Variants in CLEC4F observed in about 807,000 individuals in gnomAD.
CLEC4F encodes C-type (calcium dependent, carbohydrate-recognition domain) lectin, superfamily member 13.
In CLEC4F, 45 loss-of-function variants were observed where a neutral mutation model predicts 53.4. The ratio of observed to expected loss-of-function variants is 0.84; its 90% CI spans 0.66 to 1.08. The LOEUF (loss-of-function observed/expected upper bound fraction) is 1.08. Among genes scored for constraint, CLEC4F ranks in the 50% least tolerant of loss-of-function variants. The pLI is 0.00. For synonymous variants in CLEC4F, 245 were observed against 257.5 expected (o/e 0.95, Z 0.46); for missense variants, 753 against 698.2 (o/e 1.08, Z -0.88).
chr2:70,824,196 C>A (rs1259355067), upstream of CLEC4F, among the ~76,000 whole-genome samples: 2 of 152,078 alleles, frequency 1.3e-5, no homozygotes, highest in Non-Finnish European at 2.9e-5. Flanking sequence ...GATGTGAGCA[C>A]TTGTATTCAG....
chr2:70,808,864 C>T lies in CLEC4F; in HGVS notation c.*407G>A, dbSNP rs377443149. On this transcript the variant is annotated 3_prime_UTR_variant, in exon 7 of 7. Transcript: ENST00000272367. Reference sequence around the variant, plus strand: ...GAGAACAAGCAGAGCTCAGAGGCTCCGAAGGCATCGAGGAGGAGGGTCAGT... The same window carrying T: ...GAGAACAAGCAGAGCTCAGAGGCTCTGAAGGCATCGAGGAGGAGGGTCAGT... 4.3e-5 allele frequency: 25 copies of T among 576,136 alleles called. No individual in the cohort carries two copies. Among genetic ancestry groups the T allele is most frequent in the East Asian group, 1.2e-4 (4 of 34,368 alleles). The allele number at this position is 576,136 out of a possible 1,614,324, so 35.7% of individuals were successfully genotyped here.
intron 6 of CLEC4F, 121 bp from the exon 7 acceptor site, chr2:70,809,503 C>A: frequency 8.9e-7 from 1 of 1,124,062 alleles, no homozygotes; most frequent in East Asian, 2.6e-5. Context: ...ATGACCACAC[C>A]TGTGTGTCCA....
chr2:70,821,278 C>A (rs931680757), upstream of CLEC4F, among the ~76,000 whole-genome samples: 1 of 152,118 alleles, frequency 6.6e-6, no homozygotes, highest in Non-Finnish European at 1.5e-5. Flanking sequence ...TCATAATAAG[C>A]CCCTTAGGAC....
Position 70,817,054 on chromosome 2 carries a change from G to A in CLEC4F, c.327C>T (p.Gly109=). 6.2e-7 allele frequency: 1 copy of A among 1,613,712 alleles called. No individual in the cohort carries two copies. Among genetic ancestry groups the A allele is most frequent in the Non-Finnish European group, 8.5e-7 (1 of 1,180,020 alleles). Residue 109 remains glycine (G), a synonymous_variant, in exon 4 of 7, where the codon GGC becomes GGT. Transcript: ENST00000272367. ...EMRELIQTFK[G]HMENSSAWVV... is the part of the protein sequence containing the mutation. Reference sequence around the variant, plus strand: ...CCCAGGCACTGGAATTCTCCATGTGGCCTTTAAATGTCTGGATAAGCTCTC... The same window carrying A: ...CCCAGGCACTGGAATTCTCCATGTGACCTTTAAATGTCTGGATAAGCTCTC...
At chr2:70,817,452 T>C (rs1280601610) in intron 3 of CLEC4F, among the ~76,000 whole-genome samples, 2 of 152,246 alleles carry the variant, frequency 1.3e-5, no homozygotes, top group Admixed American at 1.3e-4. Flanking sequence ...TGAAAGTAAC[T>C]GATTTTATCA....
chr2:70,817,073 A>G lies in CLEC4F; in HGVS notation c.308T>C (p.Leu103Pro). The change falls in exon 4 of 7, where the codon CTT (leucine) becomes CCT (proline). Residue 103 changes from leucine to proline, a missense_variant. Transcript: ENST00000272367. Reference sequence around the variant, plus strand: ...CATGTGGCCTTTAAATGTCTGGATAAGCTCTCGCATTTCTGCCTCCCTGCC... The same window carrying G: ...CATGTGGCCTTTAAATGTCTGGATAGGCTCTCGCATTTCTGCCTCCCTGCC... ...HFGREAEMRE[L>P]IQTFKGHMEN... 6.2e-7 allele frequency: 1 copy of G among 1,612,980 alleles called. No individual in the cohort carries two copies. Among genetic ancestry groups the G allele is most frequent in the Non-Finnish European group, 8.5e-7 (1 of 1,179,984 alleles).
chr2:70,815,910 T>G, intron 4 of CLEC4F, 84 bp downstream of exon 4: 1 of 1,420,970 alleles, frequency 7.0e-7, no homozygotes, highest in Non-Finnish European at 9.5e-7. Flanking sequence ...CATGTTGCAG[T>G]AAAAAAGAGG....
chr2:70,813,952 T>C (rs1676753272), intron 4 of CLEC4F, among the ~76,000 whole-genome samples: 1 of 152,194 alleles, frequency 6.6e-6, no homozygotes, highest in Non-Finnish European at 1.5e-5. Flanking sequence ...GTGCTGGGAT[T>C]ACAGGCGTAA....
At position 70,820,556 on chromosome 2, in the gene CLEC4F, A is replaced by G. The variant is rs1435455073; in HGVS notation, c.-33T>C. On this transcript the variant is annotated 5_prime_UTR_variant, in exon 1 of 7. Transcript: ENST00000272367. Reference sequence around the variant, plus strand: ...TCCTTGATCCTCCAGCACTGCTCCCAGCCACTGGCTCCTGGAAGGGCCGTC... The same window carrying G: ...TCCTTGATCCTCCAGCACTGCTCCCGGCCACTGGCTCCTGGAAGGGCCGTC... 5 of 1,565,470 alleles carry G rather than the reference A, an allele frequency of 3.2e-6. No homozygotes were observed. Among genetic ancestry groups the G allele is most frequent in the Non-Finnish European group, 4.3e-6 (5 of 1,153,680 alleles).
chr2:70,824,396 T>G (rs1356257376), upstream of CLEC4F, among the ~76,000 whole-genome samples: 34 of 151,876 alleles, frequency 2.2e-4, 1 homozygote, highest in Non-Finnish European at 4.4e-4. Flanking sequence ...CAAAAAAAAT[T>G]AGATGTACAC....
At position 70,809,824 on chromosome 2, in the gene CLEC4F, A is replaced by G. The variant is rs1553393765; in HGVS notation, c.1573T>C (p.Tyr525His). The part of the protein sequence containing the change: ...FLVEFTSKVY[Y>H]WIGLTDRGTE... Reference sequence around the variant, plus strand: ...CCCCTGTCAGTGAGACCGATCCAGTAGTACACTTTACTTGTGAACTCTACC... The same window carrying G: ...CCCCTGTCAGTGAGACCGATCCAGTGGTACACTTTACTTGTGAACTCTACC... Residue 525 changes from tyrosine to histidine, a missense_variant, in exon 6 of 7, where the codon TAC becomes CAC. Coordinates refer to ENST00000272367, the MANE Select transcript of CLEC4F (RefSeq NM_173535.3). The G allele has an allele frequency of 6.2e-7, 1 of 1,614,102 alleles. No homozygotes were observed. The highest frequency in any genetic ancestry group is 8.5e-7 in the Non-Finnish European group (1 of 1,179,910).
In CLEC4F at chr2:70,820,540, C is replaced by A; in HGVS notation, c.-17G>T. On this transcript the variant is annotated 5_prime_UTR_variant, in exon 1 of 7. It adds an upstream start codon to the 5' untranslated region. Transcript: ENST00000272367. Reference sequence around the variant, plus strand: ...ACCGTCCATCTCTGCTTCCTTGATCCTCCAGCACTGCTCCCAGCCACTGGC... The same window carrying A: ...ACCGTCCATCTCTGCTTCCTTGATCATCCAGCACTGCTCCCAGCCACTGGC... 1 of 1,576,418 alleles carries A rather than the reference C, an allele frequency of 6.3e-7. No individual in the cohort carries two copies. The highest frequency in any genetic ancestry group is 1.8e-5 in the Admixed American group (1 of 55,752).
At chr2:70,824,622 C>CAAAAA (rs1180721472), upstream of CLEC4F, among the ~76,000 whole-genome samples, 15 of 38,768 alleles carry the variant, frequency 3.9e-4, no homozygotes, top group South Asian at 1.4e-3. Flanking sequence ...GCTTAGTTAC[C>CAAAAA]AAAAAAAAAA....
chr2:70,809,917 A>G, intron 5 of CLEC4F, 60 bp from the exon 6 acceptor site: 4 of 992,536 alleles, frequency 4.0e-6, no homozygotes, highest in South Asian at 1.3e-5. Context: ...TTTCCAGGCC[A>G]CCTGGAGAAC....
In CLEC4F at chr2:70,816,175, G is replaced by A. The variant is rs782544606; in HGVS notation, c.1206C>T (p.Ala402=). 19 of 1,614,030 alleles carry A rather than the reference G, an allele frequency of 1.2e-5. No individual in the cohort carries two copies. Among genetic ancestry groups the A allele is most frequent in the African/African-American group, 1.3e-5 (1 of 74,888 alleles). ...CTAACATCTGGGTCTGGGAAGTTAAGGCTGAAGCATTCTTCATTCCTTGTT... is the reference window on the plus strand; with the variant it reads ...CTAACATCTGGGTCTGGGAAGTTAAAGCTGAAGCATTCTTCATTCCTTGTT... ...TLKQGMKNAS[A]LTSQTQMLDS... Residue 402 remains alanine, a synonymous_variant, in exon 4 of 7, where the codon GCC becomes GCT. Coordinates refer to ENST00000272367, the MANE Select transcript of CLEC4F (RefSeq NM_173535.3).
At chr2:70,824,622 C>CTAAAAAAAAAAAAAA (rs1677303980), upstream of CLEC4F, among the ~76,000 whole-genome samples, 1 of 38,766 alleles carries the variant, frequency 2.6e-5, no homozygotes, top group Non-Finnish European at 4.5e-5. Flanking sequence ...GCTTAGTTAC[C>CTAAAAAAAAAAAAAA]AAAAAAAAAA....
intron 4 of CLEC4F, among the ~76,000 whole-genome samples, chr2:70,815,555 C>T (rs1358899532): frequency 1.3e-5 from 2 of 152,188 alleles, no homozygotes; most frequent in Non-Finnish European, 2.9e-5. Context: ...ATGCTAGGTA[C>T]TTTGTTAAAG....
At chr2:70,809,459 A>C in intron 6 of CLEC4F, 77 bp from the exon 7 acceptor site, 1 of 1,468,860 alleles carries the variant, frequency 6.8e-7, no homozygotes. Context: ...GTCCTTTCCT[A>C]ATGACCCTCT....
intron 5 of CLEC4F, among the ~76,000 whole-genome samples, chr2:70,810,620 A>C (rs1323707321): frequency 2.5e-5 from 3 of 122,360 alleles, no homozygotes; most frequent in African/African-American, 8.6e-5. Flanking sequence ...CTCTGTCGCA[A>C]AAAAAAAAAA....
Sources: gnomAD v4.1 joint callset for allele counts (sites outside exome capture counted in the v4.1 genomes callset) on GRCh38, gnomAD v4.1.1 for gene constraint, MANE v1.5 for transcripts, NCBI Gene and HGNC (gene_info 2026-07-23, HGNC 2026-07-21) for gene names.